The following SMOC2 variants were observed in gnomAD, a reference collection of about 807,000 sequenced individuals.
SMOC2 encodes the protein SPARC related modular calcium binding 2.
Under a neutral mutation model 61.4 loss-of-function variants are expected in SMOC2, and 39 were observed. That is an observed-to-expected ratio of 0.64 (90% CI 0.49 to 0.83). SMOC2 has a LOEUF of 0.83. SMOC2 is among the 40% of genes least tolerant of loss of function. The pLI is 0.00. For missense variants in SMOC2, 556 were observed against 592.9 expected (o/e 0.94, Z 0.65); for synonymous variants, 247 against 239.9 (o/e 1.03, Z -0.27).
intron 9 of SMOC2, among the ~76,000 whole-genome samples, chr6:168,641,742 G>A (rs1278459654): frequency 6.6e-6 from 1 of 152,168 alleles, no homozygotes; most frequent in African/African-American, 2.4e-5. Flanking sequence ...TTCACCCAAA[G>A]CCTTGGCTTT....
At chr6:168,457,173 C>T (rs530748114) in intron 1 of SMOC2, among the ~76,000 whole-genome samples, 1 of 152,218 alleles carries the variant, frequency 6.6e-6, no homozygotes, top group East Asian at 1.9e-4. Context: ...GAGATGGCAG[C>T]TCCTCTGGAC....
intron 9 of SMOC2, among the ~76,000 whole-genome samples, chr6:168,648,775 G>A (rs1468124192): frequency 6.6e-6 from 1 of 152,226 alleles, no homozygotes; most frequent in Non-Finnish European, 1.5e-5. Flanking sequence ...GTTTAATGAA[G>A]TGGAAGCCAG....
chr6:168,662,418 G>A (rs746438212), intron 11 of SMOC2, among the ~76,000 whole-genome samples: 1 of 152,192 alleles, frequency 6.6e-6, no homozygotes, highest in African/African-American at 2.4e-5. Context: ...AAGGGCCGTC[G>A]GGTGGAGAGC....
intron 1 of SMOC2, among the ~76,000 whole-genome samples, chr6:168,485,923 A>G: frequency 6.6e-6 from 1 of 152,274 alleles, no homozygotes; most frequent in East Asian, 1.9e-4. Flanking sequence ...TATTCTGTCT[A>G]ATAGATTTAT....
At chr6:168,441,706 C>T (rs527903888) in intron 1 of SMOC2, among the ~76,000 whole-genome samples, 111 of 152,302 alleles carry the variant, frequency 7.3e-4, no homozygotes, top group Non-Finnish European at 1.4e-3. Context: ...CGACGGGCTC[C>T]TCGGGTTCCA....
intron 9 of SMOC2, among the ~76,000 whole-genome samples, chr6:168,615,819 C>A (rs77490980): frequency 0.29 from 41,624 of 143,362 alleles, 7,076 homozygotes; most frequent in Admixed American, 0.39. Flanking sequence ...GCATAATTAT[C>A]GTCTTTGACT....
At chr6:168,616,915 C>T (rs1786109962) in intron 9 of SMOC2, among the ~76,000 whole-genome samples, 1 of 152,186 alleles carries the variant, frequency 6.6e-6, no homozygotes, top group Non-Finnish European at 1.5e-5. Flanking sequence ...GGAGCTCCTC[C>T]AGCAGCTGAG....
At chr6:168,562,444 G>A (rs868331129) in intron 7 of SMOC2, among the ~76,000 whole-genome samples, 102 of 136,044 alleles carry the variant, frequency 7.5e-4, no homozygotes, top group African/African-American at 2.7e-3. Flanking sequence ...CTCTCACTGT[G>A]TTCTCGGAGG....
chr6:168,513,823 C>G (rs1470068410), intron 2 of SMOC2, among the ~76,000 whole-genome samples: 1 of 152,202 alleles, frequency 6.6e-6, no homozygotes, highest in Non-Finnish European at 1.5e-5. Context: ...GTGTAAGAAT[C>G]TTTGTCCCTG....
chr6:168,537,661 C>G (rs574265679), intron 4 of SMOC2, among the ~76,000 whole-genome samples: 1 of 152,240 alleles, frequency 6.6e-6, no homozygotes, highest in African/African-American at 2.4e-5. Flanking sequence ...CCTGGAGCCC[C>G]TAAGAACACA....
rs536512080 is a variant in SMOC2 at position 168,567,457 on chromosome 6, T to G, written c.637+18254T>G. The stretch of plus-strand genomic sequence containing the variant: ...ATTACTTAAGATATTTCTCTTTGTT[T>G]AATGCTTTACCTTTGTGTTTAAAAT... On this transcript the variant is annotated intron_variant, in intron 7 of 12. Transcript: ENST00000356284. 2.0e-5 allele frequency among the ~76,000 whole-genome samples: 3 copies of G among 152,332 alleles called. No individual in the cohort carries two copies. The South Asian group carries it at 6.2e-4, about 32-fold the overall frequency.
chr6:168,661,628 GT>G (rs554527770), intron 11 of SMOC2, among the ~76,000 whole-genome samples: 7 of 151,458 alleles, frequency 4.6e-5, no homozygotes, highest in Admixed American at 2.0e-4. Flanking sequence ...AAGAATATTA[GT>G]TTTTTTTTAT....
chr6:168,512,518 C>T (rs561770525), intron 2 of SMOC2, among the ~76,000 whole-genome samples: 3 of 152,308 alleles, frequency 2.0e-5, no homozygotes, highest in African/African-American at 7.2e-5. Context: ...TTGCAAGGAA[C>T]AAAATGCAGT....
chr6:168,529,690 G>A (rs924895942), intron 4 of SMOC2, among the ~76,000 whole-genome samples: 2 of 152,216 alleles, frequency 1.3e-5, no homozygotes, highest in African/African-American at 2.4e-5. Flanking sequence ...TTATGGAGGC[G>A]AGAGGTGTTG....
In SMOC2 at chr6:168,594,423, C is replaced by CGAG. The variant is rs1364975307; in HGVS notation, c.638-4394_638-4393insAGG. Among the ~76,000 whole-genome samples, 2 of 16,674 alleles carry CGAG rather than the reference C, an allele frequency of 1.2e-4. 1 individual carries two copies. Among genetic ancestry groups the CGAG allele is most frequent in the Non-Finnish European group, 3.5e-4 (2 of 5,664 alleles). The allele number at this position is 16,674 out of a possible 152,430, so 10.9% of individuals were successfully genotyped here. ...GCTCCTCCTCCTTCCTGAGGCCTCA[C>CGAG]GGGCATCTTTCTAGAGGATCTCCGA... is the stretch of plus-strand genomic sequence containing the variant. On this transcript the variant is annotated intron_variant, in intron 7 of 12. Coordinates refer to ENST00000356284, the MANE Select transcript of SMOC2 (RefSeq NM_001166412.2).
At chr6:168,659,992 A>T (rs796886838) in intron 11 of SMOC2, among the ~76,000 whole-genome samples, 2 of 3,164 alleles carry the variant, frequency 6.3e-4, no homozygotes, top group African/African-American at 1.2e-3. Flanking sequence ...GTGAGGGTGG[A>T]GGTTGTTGTC....
chr6:168,544,885 A>G lies in SMOC2; in HGVS notation c.511+1213A>G, dbSNP rs1376214974. On this transcript the variant is annotated intron_variant, in intron 5 of 12. Transcript: ENST00000356284. The surrounding 1 kb of genome is among the most constrained non-coding windows in gnomAD (Gnocchi z 4.1). ...GTCCAGAGGGTGCCTACCAAGGATG[A>G]GGCAGGACTGGCTTCCTGGAAGGGG... 2.0e-5 allele frequency among the ~76,000 whole-genome samples: 3 copies of G among 152,144 alleles called. No homozygotes were observed. Among genetic ancestry groups the G allele is most frequent in the Non-Finnish European group, 4.4e-5 (3 of 68,016 alleles).
intron 1 of SMOC2, among the ~76,000 whole-genome samples, chr6:168,470,613 G>A (rs2115012963): frequency 6.6e-6 from 1 of 152,262 alleles, no homozygotes; most frequent in East Asian, 1.9e-4. Flanking sequence ...GGAGGCTGAG[G>A]TTGCAGTGAG....
At chr6:168,476,358 C>G (rs745527930) in intron 1 of SMOC2, among the ~76,000 whole-genome samples, 1 of 151,966 alleles carries the variant, frequency 6.6e-6, no homozygotes, top group Non-Finnish European at 1.5e-5. Flanking sequence ...CTGTTTTTCA[C>G]TGGGTGTTTG....
Sources: gnomAD v4.1 joint callset for allele counts (sites outside exome capture counted in the v4.1 genomes callset) on GRCh38, gnomAD v4.1.1 for gene constraint, Gnocchi (gnomAD v3.1) non-coding constraint, MANE v1.5 for transcripts, NCBI Gene and HGNC (gene_info 2026-07-23, HGNC 2026-07-21) for gene names.